Variants in ZNF750 observed in about 807,000 individuals in gnomAD.
ZNF750 encodes the protein zinc finger protein 750, also known as protein ZNF750.
In ZNF750, 10 loss-of-function variants were observed where a neutral mutation model predicts 31.6. The ratio of observed to expected loss-of-function variants is 0.32; its 90% CI spans 0.19 to 0.54. The LOEUF is 0.54. Ranked by LOEUF, ZNF750 falls within the 20% of genes least tolerant of loss-of-function variation. The probability of loss-of-function intolerance (pLI) is 0.95; values close to 1 mark genes in which losing one functional copy is unlikely to be tolerated. For missense variants in ZNF750, 914 were observed against 934.9 expected (o/e 0.98, Z 0.29); for synonymous variants, 400 against 404.9 (o/e 0.99, Z 0.15).
At chr17:82,839,507 A>G (rs1378389571) in intron 1 of ZNF750, among the ~76,000 whole-genome samples, 1 of 151,484 alleles carries the variant, frequency 6.6e-6, no homozygotes, top group Non-Finnish European at 1.5e-5. Context: ...ATTCAGCCCT[A>G]ATGTACATAC....
intron 2 of ZNF750, 46 bp downstream of exon 2, chr17:82,830,973 A>C (rs2053452320): frequency 6.2e-7 from 1 of 1,613,492 alleles, no homozygotes; most frequent in Admixed American, 1.7e-5. Flanking sequence ...CATGGAACCC[A>C]ACCAGAAACA....
Position 82,831,242 on chromosome 17 carries a change from C to G in ZNF750, c.1213G>C (p.Gly405Arg). Reference sequence around the variant, plus strand: ...CCTGGGGAGCCCGTGGCTGCACTCCCTGCGCGGGGGCTCATTTTGGACCCT... The same window carrying G: ...CCTGGGGAGCCCGTGGCTGCACTCCGTGCGCGGGGGCTCATTTTGGACCCT... The part of the protein sequence containing the change: ...TEGSKMSPRA[G>R]SAATGSPGRP... Residue 405 changes from glycine (G) to arginine (R), a missense_variant, in exon 2 of 3, where the codon GGG (glycine) becomes CGG (arginine). Gly to Arg is a moderately radical substitution (Grantham distance 125). Coordinates refer to ENST00000269394, the MANE Select transcript of ZNF750 (RefSeq NM_024702.3). This position sits in a 1 kb window ranked among gnomAD's most constrained non-coding sequence, Gnocchi z 4.6. 1.9e-6 allele frequency: 3 copies of G among 1,613,976 alleles called. No homozygotes were observed. Among genetic ancestry groups the G allele is most frequent in the Non-Finnish European group, 2.5e-6 (3 of 1,180,046 alleles).
At position 82,832,116 on chromosome 17, in the gene ZNF750, T is replaced by G; in HGVS notation, c.339A>C (p.Glu113Asp). 3 of 1,614,192 alleles carry G rather than the reference T, an allele frequency of 1.9e-6. No homozygotes were observed. Among genetic ancestry groups the G allele is most frequent in the Non-Finnish European group, 2.5e-6 (3 of 1,180,022 alleles). Residue 113 changes from glutamate to aspartate, a missense_variant, in exon 2 of 3, where the codon GAA becomes GAC. This residue lies in a region of ZNF750 where 880 missense variants were observed against 868.9 expected (regional missense o/e 1.01). Coordinates refer to ENST00000269394, the MANE Select transcript of ZNF750 (RefSeq NM_024702.3). The surrounding 1 kb of genome is among the most constrained non-coding windows in gnomAD (Gnocchi z 4.9). Reference protein sequence around the residue: ...QHSSAREDIKENLELQARGTH... With the variant: ...QHSSAREDIKDNLELQARGTH... The stretch of plus-strand genomic sequence containing the variant: ...TTCCCCGGGCTTGCAGCTCCAGGTT[T>G]TCCTTGATGTCTTCCCTGGCAGAGC...
rs1280496925 is a variant in ZNF750, at chr17:82,830,393, GC to G, written c.1920del (p.Gln640HisfsTer31). The part of the protein sequence containing the change: ...QKQTAAVALC[Q>X]LAAYSPRNIR... ...ATGTTCCTGGGGCTGTAGGCCGCCAGCTGGCACAGGGCCACGGCTGCCGTCT... is the reference window on the plus strand; with the variant it reads ...ATGTTCCTGGGGCTGTAGGCCGCCAGTGGCACAGGGCCACGGCTGCCGTCT... On this transcript the variant is annotated frameshift_variant, in exon 3 of 3. Coordinates refer to ENST00000269394, the MANE Select transcript of ZNF750 (RefSeq NM_024702.3). LOFTEE classifies it low-confidence loss of function (END_TRUNC). 1 of 1,612,130 alleles carries G rather than the reference GC, an allele frequency of 6.2e-7. No homozygotes were observed. The highest frequency in any genetic ancestry group is 8.5e-7 in the Non-Finnish European group (1 of 1,180,000).
In ZNF750 at chr17:82,832,364, G is replaced by A; in HGVS notation, c.91C>T (p.Pro31Ser). Residue 31 changes from proline to serine, a missense_variant, in exon 2 of 3, where the codon CCC becomes TCC. By Grantham distance (74) the Pro-to-Ser change is moderately conservative. Around this residue, in one of 2 missense-constraint regions of ZNF750, gnomAD observed 34 missense variants for 66.0 expected, o/e 0.52. Coordinates refer to ENST00000269394, the MANE Select transcript of ZNF750 (RefSeq NM_024702.3). This position sits in a 1 kb window ranked among gnomAD's most constrained non-coding sequence, Gnocchi z 4.9. The part of the protein sequence containing the change: ...KPFKYKCFQC[P>S]FTCNEKSHLF... ...TGTGACTTCTCATTGCAAGTAAAGGGACATTGGAAACATTTATACTTGAAG... is the reference window on the plus strand; with the variant it reads ...TGTGACTTCTCATTGCAAGTAAAGGAACATTGGAAACATTTATACTTGAAG... 3.1e-6 allele frequency: 5 copies of A among 1,614,216 alleles called. No homozygotes were observed. Among genetic ancestry groups the A allele is most frequent in the Non-Finnish European group, 3.4e-6 (4 of 1,180,052 alleles).
At position 82,836,698 on chromosome 17, in the gene ZNF750, A is replaced by C. The variant is rs539352139; in HGVS notation, c.-183+3229T>G. On this transcript the variant is annotated intron_variant, in intron 1 of 2. Coordinates refer to ENST00000269394, the MANE Select transcript of ZNF750 (RefSeq NM_024702.3). The stretch of plus-strand genomic sequence containing the variant: ...CTGATACTTTTAGGCAAAAAAAAAA[A>C]CAAAACAAAACAAAACCAAAAAACA... Among the ~76,000 whole-genome samples the C allele has an allele frequency of 6.3e-5, 9 of 143,230 alleles. No homozygotes were observed. The East Asian group carries it at 7.7e-4, about 12-fold the overall frequency. The allele number at this position is 143,230 out of a possible 152,430, so 94.0% of individuals were successfully genotyped here. A position where few individuals can be genotyped will look rare whatever the true frequency, so the allele number is the denominator to read the frequency against.
In ZNF750 at chr17:82,832,133, T is replaced by C. The variant is rs1010117278; in HGVS notation, c.322A>G (p.Arg108Gly). ...TCCAGGTTTTCCTTGATGTCTTCCC[T>C]GGCAGAGCTGTGCTGAAGCTTCGAG... Reference protein sequence around the residue: ...FDSKLQHSSAREDIKENLELQ... With the variant: ...FDSKLQHSSAGEDIKENLELQ... Residue 108 changes from arginine to glycine, a missense_variant, in exon 2 of 3, where the codon AGG (arginine) becomes GGG (glycine). Physicochemically the swap from Arg to Gly is moderately radical, Grantham distance 125. This residue lies in a region of ZNF750 where 880 missense variants were observed against 868.9 expected (regional missense o/e 1.01). Transcript: ENST00000269394. The surrounding 1 kb of genome is among the most constrained non-coding windows in gnomAD (Gnocchi z 4.9). The C allele has an allele frequency of 6.2e-7, 1 of 1,614,086 alleles. No homozygotes were observed. The highest frequency in any genetic ancestry group is 1.3e-5 in the African/African-American group (1 of 74,932).
Position 82,831,286 on chromosome 17 carries a change from G to T in ZNF750, c.1169C>A (p.Ala390Asp). ...PIPEAKDSSK[A>D]GQRDTEGSKM... The stretch of plus-strand genomic sequence containing the variant: ...GGACCCTTCCGTGTCTCTCTGCCCA[G>T]CCTTGGAGGAGTCTTTAGCCTCAGG... The change falls in exon 2 of 3, where the codon GCT (alanine) becomes GAT (aspartate). Residue 390 changes from alanine (A) to aspartate (D), a missense_variant. Ala to Asp is a moderately radical substitution (Grantham distance 126, BLOSUM62 -2). Around this residue, in one of 2 missense-constraint regions of ZNF750, gnomAD observed 880 missense variants for 868.9 expected, o/e 1.01. Coordinates refer to ENST00000269394, the MANE Select transcript of ZNF750 (RefSeq NM_024702.3). This position sits in a 1 kb window ranked among gnomAD's most constrained non-coding sequence, Gnocchi z 4.6. 1 of 1,613,870 alleles carries T rather than the reference G, an allele frequency of 6.2e-7. No individual in the cohort carries two copies. Among genetic ancestry groups the T allele is most frequent in the Non-Finnish European group, 8.5e-7 (1 of 1,180,036 alleles).
At position 82,832,228 on chromosome 17, in the gene ZNF750, G is replaced by A. The variant is rs370722774; in HGVS notation, c.227C>T (p.Thr76Ile). 96 of 1,614,122 alleles carry A rather than the reference G, an allele frequency of 5.9e-5. No homozygotes were observed. In the East Asian group the frequency reaches 9.6e-4, roughly 16 times the overall value. Reference protein sequence around the residue: ...PKSNSLDPKQTNQPDATAKPA... With the variant: ...PKSNSLDPKQINQPDATAKPA... The stretch of plus-strand genomic sequence containing the variant: ...CTTCGCCGTGGCATCGGGCTGGTTG[G>A]TTTGCTTGGGGTCTAGTGAGTTAGA... Residue 76 changes from threonine (T) to isoleucine (I), a missense_variant, in exon 2 of 3, where the codon ACC becomes ATC. Around this residue, in one of 2 missense-constraint regions of ZNF750, gnomAD observed 880 missense variants for 868.9 expected, o/e 1.01. Coordinates refer to ENST00000269394, the MANE Select transcript of ZNF750 (RefSeq NM_024702.3). This position sits in a 1 kb window ranked among gnomAD's most constrained non-coding sequence, Gnocchi z 4.9.
rs2053701044 is a variant in ZNF750, at chr17:82,833,588, C to T, written c.-182-952G>A. 6.6e-6 allele frequency among the ~76,000 whole-genome samples: 1 copy of T among 152,202 alleles called. No individual in the cohort carries two copies. The highest frequency in any genetic ancestry group is 1.5e-5 in the Non-Finnish European group (1 of 68,040). On this transcript the variant is annotated intron_variant, in intron 1 of 2. Coordinates refer to ENST00000269394, the MANE Select transcript of ZNF750 (RefSeq NM_024702.3). The surrounding 1 kb of genome is among the most constrained non-coding windows in gnomAD (Gnocchi z 4.7). ...GCATTGTGAGACATGCTTTCACGGT[C>T]ACCCGGTTCCTGCTGGCCAGGAGGC...
At chr17:82,839,239 CTG>C (rs936887529) in intron 1 of ZNF750, among the ~76,000 whole-genome samples, 2 of 152,208 alleles carry the variant, frequency 1.3e-5, no homozygotes, top group African/African-American at 4.8e-5. Flanking sequence ...CTAAATTCAG[CTG>C]TGTCTAATGT....
At chr17:82,836,687 CAA>C (rs559997152) in intron 1 of ZNF750, among the ~76,000 whole-genome samples, 4 of 116,882 alleles carry the variant, frequency 3.4e-5, no homozygotes, top group African/African-American at 3.2e-5. Context: ...TACTTTTAGG[CAA>C]AAAAAAAAAC....
In ZNF750 at chr17:82,832,268, G is replaced by C. The variant is rs372531846; in HGVS notation, c.187C>G (p.Pro63Ala). 5.0e-6 allele frequency: 8 copies of C among 1,614,218 alleles called. No individual in the cohort carries two copies. The African/African-American group carries it at 1.1e-4, about 22-fold the overall frequency. Residue 63 changes from proline (P) to alanine (A), a missense_variant, in exon 2 of 3, where the codon CCC (proline) becomes GCC (alanine). Around this residue, in one of 2 missense-constraint regions of ZNF750, gnomAD observed 880 missense variants for 868.9 expected, o/e 1.01. Coordinates refer to ENST00000269394, the MANE Select transcript of ZNF750 (RefSeq NM_024702.3). This position sits in a 1 kb window ranked among gnomAD's most constrained non-coding sequence, Gnocchi z 4.9. Reference sequence around the variant, plus strand: ...AGTGAGTTAGATTTAGGGCACTTGGGAACTCGATCCTGCTCTGATACTAAA... The same window carrying C: ...AGTGAGTTAGATTTAGGGCACTTGGCAACTCGATCCTGCTCTGATACTAAA... ...ITLVSEQDRV[P>A]KCPKSNSLDP...
rs1173011461 is a variant in ZNF750, at chr17:82,830,097, C to T, written c.*45G>A. 8.7e-6 allele frequency: 14 copies of T among 1,611,276 alleles called. No homozygotes were observed. The highest frequency in any genetic ancestry group is 1.1e-5 in the South Asian group (1 of 90,976). On this transcript the variant is annotated 3_prime_UTR_variant, in exon 3 of 3. Transcript: ENST00000269394. ...TGTTGTAGCTTGCCACCTTGGAAGG[C>T]GTGTGTGTGGCCGTAGCTCTGTGAA...
At position 82,832,378 on chromosome 17, in the gene ZNF750, T is replaced by A. The variant is rs1248976079; in HGVS notation, c.77A>T (p.Lys26Ile). 1 of 1,614,196 alleles carries A rather than the reference T, an allele frequency of 6.2e-7. No homozygotes were observed. Among genetic ancestry groups the A allele is most frequent in the African/African-American group, 1.3e-5 (1 of 75,048 alleles). The change falls in exon 2 of 3, where the codon AAA becomes ATA. Residue 26 changes from lysine to isoleucine, a missense_variant. Lys to Ile is a moderately radical substitution (Grantham distance 102). Transcript: ENST00000269394. The surrounding 1 kb of genome is among the most constrained non-coding windows in gnomAD (Gnocchi z 4.9). ...PRPPGKPFKY[K>I]CFQCPFTCNE... ...GCAAGTAAAGGGACATTGGAAACAT[T>A]TATACTTGAAGGGCTTTCCTGGAGG...
At chr17:82,834,229 T>C (rs1196742942) in intron 1 of ZNF750, among the ~76,000 whole-genome samples, 1 of 152,132 alleles carries the variant, frequency 6.6e-6, no homozygotes, top group African/African-American at 2.4e-5. Flanking sequence ...ATTAGAGGCG[T>C]GAGCCACCGC....
chr17:82,832,680 G>A lies in ZNF750; in HGVS notation c.-182-44C>T, dbSNP rs2053621470. ...TTGGTGTCAGGACAGCGAGTGAGGGGTCGGCGAGAAGCCGGCCTCGGCTCG... is the reference window on the plus strand; with the variant it reads ...TTGGTGTCAGGACAGCGAGTGAGGGATCGGCGAGAAGCCGGCCTCGGCTCG... On this transcript the variant is annotated intron_variant, in intron 1 of 2. Transcript: ENST00000269394. This position sits in a 1 kb window ranked among gnomAD's most constrained non-coding sequence, Gnocchi z 4.9. 1 of 585,260 alleles carries A rather than the reference G, an allele frequency of 1.7e-6. No homozygotes were observed. The highest frequency in any genetic ancestry group is 1.9e-5 in the African/African-American group (1 of 53,500). 36.3% of individuals were successfully genotyped at this position (585,260 alleles called of 1,614,324 possible). A position where few individuals can be genotyped will look rare whatever the true frequency, so the allele number is the denominator to read the frequency against.
intron 1 of ZNF750, among the ~76,000 whole-genome samples, chr17:82,836,119 T>A (rs1451654721): frequency 2.0e-5 from 3 of 152,230 alleles, no homozygotes; most frequent in Non-Finnish European, 4.4e-5. Flanking sequence ...AATAATTCTT[T>A]ATGGGCTCAG....
rs2053627849 is a variant in ZNF750, at chr17:82,832,755, G to T, written c.-182-119C>A. Reference sequence around the variant, plus strand: ...GCAGAACCCCTGAAGGGCTGAAACTGCCTGCTCCTGAGGGGAGCAGCTGCC... The same window carrying T: ...GCAGAACCCCTGAAGGGCTGAAACTTCCTGCTCCTGAGGGGAGCAGCTGCC... On this transcript the variant is annotated intron_variant, in intron 1 of 2. Coordinates refer to ENST00000269394, the MANE Select transcript of ZNF750 (RefSeq NM_024702.3). This position sits in a 1 kb window ranked among gnomAD's most constrained non-coding sequence, Gnocchi z 4.9. 2 of 459,860 alleles carry T rather than the reference G, an allele frequency of 4.3e-6. No homozygotes were observed. The highest frequency in any genetic ancestry group is 3.9e-5 in the African/African-American group (2 of 50,860). The allele number at this position is 459,860 out of a possible 1,614,324, so 28.5% of individuals were successfully genotyped here.
Sources: gnomAD v4.1 joint callset for allele counts (sites outside exome capture counted in the v4.1 genomes callset) on GRCh38, gnomAD v4.1.1 for gene constraint, gnomAD v4.1.1 regional missense constraint, Gnocchi (gnomAD v3.1) non-coding constraint, MANE v1.5 for transcripts, NCBI Gene and HGNC (gene_info 2026-07-23, HGNC 2026-07-21) for gene names.